ARIH2: variants seen among roughly 807,000 people sequenced by gnomAD.
ARIH2 encodes E3 ubiquitin-protein ligase ARIH2.
ARIH2 carries 12 observed loss-of-function variants against 79.8 expected under a neutral mutation model. The ratio of observed to expected loss-of-function variants is 0.15; its 90% CI spans 0.10 to 0.24. ARIH2 has a LOEUF of 0.24. Among genes scored for constraint, ARIH2 ranks in the 10% least tolerant of loss-of-function variants. The pLI is 1.00. For missense variants in ARIH2, 301 were observed against 618.3 expected, an observed-to-expected ratio of 0.49 and a Z score of 5.44; for synonymous variants, 224 against 213.9, an observed-to-expected ratio of 1.05 and a Z score of -0.41.
chr3:48,976,996 C>T (rs2092542044), intron 11 of ARIH2, among the ~76,000 whole-genome samples: 1 of 151,766 alleles, frequency 6.6e-6, no homozygotes, highest in African/African-American at 2.4e-5. Flanking sequence ...GTCAGGAGAT[C>T]GAGACCATCC....
At chr3:48,940,893 G>A (rs1033565379) in intron 3 of ARIH2, among the ~76,000 whole-genome samples, 1 of 150,470 alleles carries the variant, frequency 6.6e-6, no homozygotes, top group African/African-American at 2.4e-5. Context: ...GTGCAGGCTG[G>A]GCGCGGTGGC....
At position 48,918,849 on chromosome 3, in the gene ARIH2, T is replaced by G. The variant is rs761009053; in HGVS notation, c.-311T>G. On this transcript the variant is annotated 5_prime_UTR_variant, in exon 1 of 16. Transcript: ENST00000356401. ...ACGGCGCCAAGCACTTCCGGAGCTG[T>G]GGGGACGACTCTTCTGGAGGAAGCA... 892 of 1,611,228 alleles carry G rather than the reference T, an allele frequency of 5.5e-4. No individual in the cohort carries two copies. The highest frequency in any genetic ancestry group is 7.3e-4 in the Non-Finnish European group (865 of 1,179,688).
chr3:48,968,780 T>C, intron 7 of ARIH2, 125 bp downstream of exon 7: 4 of 1,349,466 alleles, frequency 3.0e-6, no homozygotes, highest in African/African-American at 1.5e-5. Flanking sequence ...AAGCGCTCCA[T>C]GGCTTTAAAA....
rs1398899829 is a variant in ARIH2 at position 48,978,463 on chromosome 3, GTGTA to G, written c.962-1017_962-1014del. Among the ~76,000 whole-genome samples, 124 of 77,546 alleles carry G rather than the reference GTGTA, an allele frequency of 1.6e-3. 1 individual carries two copies. Among genetic ancestry groups the G allele is most frequent in the East Asian group, 0.012 (11 of 946 alleles). The allele number at this position is 77,546 out of a possible 152,430, so 50.9% of individuals were successfully genotyped here. A position where few individuals can be genotyped will look rare whatever the true frequency, so the allele number is the denominator to read the frequency against. The stretch of plus-strand genomic sequence containing the variant: ...TGTGTGTGTGTGTGTGTGTGTGTGT[GTGTA>G]TATATATATATATATATTTTTTTTT... On this transcript the variant is annotated intron_variant, in intron 11 of 15. Transcript: ENST00000356401.
At position 48,973,492 on chromosome 3, in the gene ARIH2, G is replaced by A; in HGVS notation, c.771-207G>A. The A allele has an allele frequency of 7.5e-6, 3 of 402,562 alleles. No homozygotes were observed. In the South Asian group the frequency reaches 8.2e-5, roughly 11 times the overall value. 24.9% of individuals were successfully genotyped at this position (402,562 alleles called of 1,614,324 possible). A position where few individuals can be genotyped will look rare whatever the true frequency, so the allele number is the denominator to read the frequency against. ...CTCGGGAGGTTGAGTCAGGAGAATG[G>A]CATGAACCCGGGAGGCAGAGCTTGC... On this transcript the variant is annotated intron_variant, in intron 8 of 15. Transcript: ENST00000356401.
At position 48,974,805 on chromosome 3, in the gene ARIH2, C is replaced by T; in HGVS notation, c.889-12C>T. On this transcript the variant is annotated splice_polypyrimidine_tract_variant and intron_variant, in intron 9 of 15. Transcript: ENST00000356401. ...GGTGTGTGAGCCTAATGGCACCCTT[C>T]TGTCTCCTCAGTGTCCCAAGTGCAA... The T allele has an allele frequency of 6.2e-7, 1 of 1,612,354 alleles. No homozygotes were observed. Among genetic ancestry groups the T allele is most frequent in the African/African-American group, 1.3e-5 (1 of 75,004 alleles).
chr3:48,931,023 A>G (rs914135685), intron 3 of ARIH2, among the ~76,000 whole-genome samples: 6 of 152,166 alleles, frequency 3.9e-5, no homozygotes, highest in African/African-American at 1.4e-4. Flanking sequence ...TATTTATAGT[A>G]TAGCATAAAA....
chr3:48,930,086 A>T (rs1399340791), intron 3 of ARIH2, among the ~76,000 whole-genome samples: 1 of 152,172 alleles, frequency 6.6e-6, no homozygotes, highest in Non-Finnish European at 1.5e-5. Flanking sequence ...GAAATATGTT[A>T]ACACCATTTA....
chr3:48,931,014 A>G (rs2086282869), intron 3 of ARIH2, among the ~76,000 whole-genome samples: 1 of 152,128 alleles, frequency 6.6e-6, no homozygotes, highest in African/African-American at 2.4e-5. Flanking sequence ...CATGTGGATT[A>G]TTTATAGTAT....
chr3:48,966,426 G>A (rs938202338), intron 5 of ARIH2, among the ~76,000 whole-genome samples: 2 of 152,180 alleles, frequency 1.3e-5, no homozygotes, highest in African/African-American at 4.8e-5. Flanking sequence ...CTGCCAGTTT[G>A]TGTAGCATGA....
chr3:48,978,417 GTGTA>G (rs57744979), intron 11 of ARIH2, among the ~76,000 whole-genome samples: 37,663 of 85,254 alleles, frequency 0.44, 7,323 homozygotes, highest in East Asian at 0.73. Flanking sequence ...TGGCTAATTT[GTGTA>G]TGTGTGTGTG....
chr3:48,927,874 GTTAA>G lies in ARIH2; in HGVS notation c.255+67_255+70del, dbSNP rs1016245703. ...CAGTTAAATCTAAGGATGAGCTGTTGTTAATTAATGTCTCCTCCAGACTAATTGA... is the reference window on the plus strand; with the variant it reads ...CAGTTAAATCTAAGGATGAGCTGTTGTTAATGTCTCCTCCAGACTAATTGA... On this transcript the variant is annotated intron_variant, in intron 3 of 15. Transcript: ENST00000356401. 1.7e-5 allele frequency: 27 copies of G among 1,572,946 alleles called. No homozygotes were observed. In the Admixed American group the frequency reaches 2.7e-4, roughly 16 times the overall value.
At chr3:48,948,728 C>G (rs2089556243) in intron 3 of ARIH2, among the ~76,000 whole-genome samples, 1 of 152,182 alleles carries the variant, frequency 6.6e-6, no homozygotes, top group South Asian at 2.1e-4. Context: ...ATCCCTGTTC[C>G]CAAGTGACTA....
chr3:48,978,423 G>GTA (rs1364756334), intron 11 of ARIH2, among the ~76,000 whole-genome samples: 6 of 68,048 alleles, frequency 8.8e-5, no homozygotes, highest in African/African-American at 4.1e-4. Context: ...ATTTGTGTAT[G>GTA]TGTGTGTGTG....
At chr3:48,961,701 A>AG in intron 4 of ARIH2, 22 bp downstream of exon 4, 2 of 1,528,086 alleles carry the variant, frequency 1.3e-6, no homozygotes, top group Non-Finnish European at 1.8e-6. Context: ...GGGGGAGGAG[A>AG]GAGAACATTG....
At chr3:48,968,478 G>A (rs747542522) in intron 6 of ARIH2, 56 bp from the exon 7 acceptor site, 24 of 1,567,278 alleles carry the variant, frequency 1.5e-5, no homozygotes, top group Non-Finnish European at 2.0e-5. Flanking sequence ...CAAAGTGCTG[G>A]GATTACAGGC....
chr3:48,927,567 G>C lies in ARIH2; in HGVS notation c.9G>C (p.Val3=), dbSNP rs1229698493. 1.1e-5 allele frequency: 17 copies of C among 1,613,740 alleles called. No individual in the cohort carries two copies. The highest frequency in any genetic ancestry group is 1.4e-5 in the Non-Finnish European group (16 of 1,179,970). MS[V]DMNSQGSDSN... ...CTTGGCTGGATGCTAAGATGTCAGT[G>C]GACATGAATAGCCAGGGGTCTGACA... Residue 3 remains valine (V), a synonymous_variant, in exon 3 of 16, where the codon GTG becomes GTC. Coordinates refer to ENST00000356401, the MANE Select transcript of ARIH2 (RefSeq NM_006321.4).
chr3:48,944,949 A>C (rs1481916203), intron 3 of ARIH2: 1 of 405,280 alleles, frequency 2.5e-6, no homozygotes, highest in Admixed American at 3.2e-5. Flanking sequence ...GCTGGCCCAC[A>C]GTTCACTACC....
chr3:48,969,195 T>C (rs1229896770), intron 7 of ARIH2, among the ~76,000 whole-genome samples: 2 of 151,044 alleles, frequency 1.3e-5, no homozygotes, highest in African/African-American at 2.4e-5. Flanking sequence ...TTTTTTTTTT[T>C]AACCTCTGAG....
Sources: allele counts gnomAD v4.1 joint callset (sites outside exome capture counted in the v4.1 genomes callset), GRCh38; gene constraint gnomAD v4.1.1; transcripts MANE v1.5; gene names NCBI Gene and HGNC (gene_info 2026-07-23, HGNC 2026-07-21).